EXD3: variants seen among roughly 807,000 people sequenced by gnomAD.
EXD3 encodes the protein exonuclease 3'-5' domain containing 3.
A neutral mutation model predicts 98.0 loss-of-function variants in EXD3; 92 were observed. The ratio of observed to expected loss-of-function variants is 0.94; its 90% CI spans 0.79 to 1.12. The LOEUF (loss-of-function observed/expected upper bound fraction) is 1.12, where lower values mean the gene tolerates loss of function less well. Ranked by LOEUF, EXD3 falls within the 50% of genes most tolerant of loss-of-function variation. EXD3 has a pLI of 0.00. For missense variants in EXD3, 1,222 were observed against 1,191.6 expected (o/e 1.03, Z -0.38); for synonymous variants, 569 against 526.0 (o/e 1.08, Z -1.12).
chr9:137,420,326 C>CA (rs1838455410), intron 1 of EXD3, among the ~76,000 whole-genome samples: 1 of 152,098 alleles, frequency 6.6e-6, no homozygotes, highest in Non-Finnish European at 1.5e-5. Flanking sequence ...ATAGCTATAG[C>CA]AATTGAGTGA....
intron 2 of EXD3, among the ~76,000 whole-genome samples, chr9:137,383,810 C>T (rs929715250): frequency 5.9e-5 from 9 of 152,218 alleles, no homozygotes; most frequent in African/African-American, 1.4e-4. Flanking sequence ...CTTTAGGTTT[C>T]GGTCCCCGGC....
chr9:137,317,263 A>G (rs1831729446), intron 19 of EXD3, among the ~76,000 whole-genome samples: 2 of 151,942 alleles, frequency 1.3e-5, no homozygotes, highest in South Asian at 2.1e-4. Flanking sequence ...CTGGACACAG[A>G]CCCTACCTTG....
At chr9:137,378,894 CGTT>C (rs1836053893) in intron 3 of EXD3, among the ~76,000 whole-genome samples, 1 of 138,238 alleles carries the variant, frequency 7.2e-6, no homozygotes, top group Non-Finnish European at 1.5e-5. Context: ...TGACGGTGAC[CGTT>C]GCCTGGGGCC....
intron 3 of EXD3, chr9:137,374,989 G>T: frequency 2.5e-6 from 1 of 395,934 alleles, no homozygotes; most frequent in Non-Finnish European, 3.4e-6. Flanking sequence ...GTAAGTTGTA[G>T]CTCTTGTGAG....
intron 3 of EXD3, among the ~76,000 whole-genome samples, chr9:137,381,894 TG>T (rs1245619571): frequency 1.3e-5 from 2 of 152,146 alleles, no homozygotes; most frequent in Non-Finnish European, 2.9e-5. Context: ...TTCGCCAGCT[TG>T]CTGGAATCCG....
chr9:137,356,124 G>T (rs1052751153), intron 8 of EXD3, 144 bp downstream of exon 8: 1 of 647,906 alleles, frequency 1.5e-6, no homozygotes, highest in Non-Finnish European at 2.7e-6. Context: ...CACGAGCTGG[G>T]CAAGAGGCAG....
intron 17 of EXD3, among the ~76,000 whole-genome samples, chr9:137,330,348 A>C (rs372151908): frequency 7.4e-6 from 1 of 135,910 alleles, no homozygotes; most frequent in East Asian, 2.8e-4. Context: ...AGGACTACAC[A>C]GGACTACACA....
At position 137,403,009 on chromosome 9, in the gene EXD3, C is replaced by T. The variant is rs1357835193; in HGVS notation, c.-47-7605G>A. Among the ~76,000 whole-genome samples the T allele has an allele frequency of 1.3e-5, 2 of 152,132 alleles. No individual in the cohort carries two copies. Among genetic ancestry groups the T allele is most frequent in the African/African-American group, 2.4e-5 (1 of 41,426 alleles). On this transcript the variant is annotated intron_variant, in intron 1 of 21. Transcript: ENST00000340951. The surrounding 1 kb of genome is among the most constrained non-coding windows in gnomAD (Gnocchi z 6.1). Reference sequence around the variant, plus strand: ...AGGATTCAATTACTGCCCCCTGGGTCCCTCCCACAACAGGTGGGAATTCTG... The same window carrying T: ...AGGATTCAATTACTGCCCCCTGGGTTCCTCCCACAACAGGTGGGAATTCTG...
At chr9:137,409,042 CG>C (rs1837870766) in intron 1 of EXD3, among the ~76,000 whole-genome samples, 2 of 152,238 alleles carry the variant, frequency 1.3e-5, no homozygotes, top group Non-Finnish European at 2.9e-5. Flanking sequence ...CTCTGAAACA[CG>C]CTGGAATTCC....
intron 3 of EXD3, 107 bp downstream of exon 3, chr9:137,383,206 G>A (rs1836406477): frequency 6.6e-6 from 6 of 913,970 alleles, no homozygotes; most frequent in South Asian, 5.9e-5. Context: ...GCCGTGGGGG[G>A]CTGTGCAGCT....
chr9:137,400,973 C>T (rs1837456448), intron 1 of EXD3, among the ~76,000 whole-genome samples: 1 of 152,094 alleles, frequency 6.6e-6, no homozygotes, highest in South Asian at 2.1e-4. Context: ...CTGCATGGTA[C>T]AGCCTCCCTC....
At chr9:137,322,048 C>T (rs1166468479) in intron 19 of EXD3, among the ~76,000 whole-genome samples, 1 of 152,094 alleles carries the variant, frequency 6.6e-6, no homozygotes, top group Non-Finnish European at 1.5e-5. Flanking sequence ...GGCTTTGGTG[C>T]CCCCACCAGC....
chr9:137,314,660 T>A (rs1163534912), intron 19 of EXD3, among the ~76,000 whole-genome samples: 1 of 139,530 alleles, frequency 7.2e-6, no homozygotes. Context: ...CCCCAGCCCC[T>A]CCCCCACCCA....
intron 17 of EXD3, among the ~76,000 whole-genome samples, chr9:137,337,144 G>A (rs1833395158): frequency 6.6e-6 from 1 of 152,130 alleles, no homozygotes; most frequent in Non-Finnish European, 1.5e-5. Flanking sequence ...AGCATTACTG[G>A]AGTCAAAGAG....
intron 17 of EXD3, among the ~76,000 whole-genome samples, chr9:137,335,314 C>T (rs144338604): frequency 2.6e-5 from 4 of 152,176 alleles, no homozygotes; most frequent in Non-Finnish European, 5.9e-5. Flanking sequence ...CTCAACCTCA[C>T]GAATCATCAG....
chr9:137,314,629 C>T (rs1311550913), intron 19 of EXD3, among the ~76,000 whole-genome samples: 2 of 152,110 alleles, frequency 1.3e-5, no homozygotes, highest in Non-Finnish European at 2.9e-5. Flanking sequence ...CCCAGGGCCC[C>T]GGAAGGGCAG....
At chr9:137,422,138 C>T (rs1291776268) in intron 1 of EXD3, among the ~76,000 whole-genome samples, 3 of 151,130 alleles carry the variant, frequency 2.0e-5, no homozygotes, top group Non-Finnish European at 2.9e-5. Flanking sequence ...AAAAAAACTC[C>T]CTGAAATGTC....
intron 7 of EXD3, among the ~76,000 whole-genome samples, chr9:137,363,124 A>C (rs1835066597): frequency 6.6e-6 from 1 of 151,640 alleles, no homozygotes; most frequent in Non-Finnish European, 1.5e-5. Flanking sequence ...TCATTCTCTT[A>C]ATTCTTTAAT....
intron 2 of EXD3, among the ~76,000 whole-genome samples, chr9:137,388,365 T>C (rs747129710): frequency 1.2e-3 from 180 of 152,076 alleles, no homozygotes; most frequent in Non-Finnish European, 1.9e-3. Context: ...GGAGGACGGA[T>C]GGTTGCAGGG....
Sources: allele counts gnomAD v4.1 joint callset (sites outside exome capture counted in the v4.1 genomes callset), GRCh38; gene constraint gnomAD v4.1.1; non-coding constraint Gnocchi (gnomAD v3.1); transcripts MANE v1.5; gene names NCBI Gene and HGNC (gene_info 2026-07-23, HGNC 2026-07-21).